PTPRD: variants seen among roughly 807,000 people sequenced by gnomAD.
PTPRD encodes receptor-type tyrosine-protein phosphatase delta.
A neutral mutation model predicts 214.5 loss-of-function variants in PTPRD; 34 were observed. The ratio of observed to expected loss-of-function variants is 0.16; its 90% confidence interval spans 0.12 to 0.21. The LOEUF (loss-of-function observed/expected upper bound fraction) is 0.21, where lower values mean the gene tolerates loss of function less well. Among genes scored for constraint, PTPRD ranks in the 10% least tolerant of loss-of-function variants. The pLI is 1.00. For missense variants in PTPRD, 2,545 were observed against 2,398.7 expected (o/e 1.06, Z -1.27); for synonymous variants, 1,128 against 845.7 (o/e 1.33, Z -5.79).
At position 9,673,221 on chromosome 9, in the gene PTPRD, T is replaced by C. The variant is rs140699796; in HGVS notation, c.-287+61312A>G. Among the ~76,000 whole-genome samples the C allele has an allele frequency of 2.7e-3, 418 of 152,072 alleles. 2 individuals are homozygous for C. Among genetic ancestry groups the C allele is most frequent in the Non-Finnish European group, 4.9e-3 (334 of 67,850 alleles). On this transcript the variant is annotated intron_variant, in intron 7 of 45. Coordinates refer to ENST00000381196, the MANE Select transcript of PTPRD (RefSeq NM_002839.4). The stretch of plus-strand genomic sequence containing the variant: ...ACTCCTAATAGCCCAATTGTTTATG[T>C]GTTGATTTCTTTCCCTATTAATTTT...
chr9:9,016,486 T>C (rs1329047731), intron 11 of PTPRD, among the ~76,000 whole-genome samples: 1 of 152,084 alleles, frequency 6.6e-6, no homozygotes, highest in Non-Finnish European at 1.5e-5. Context: ...TGAGAGAATA[T>C]ATGTAAAACA....
rs191886873 is a variant in PTPRD at position 10,179,935 on chromosome 9, T to C, written c.-544-146145A>G. Among the ~76,000 whole-genome samples, 9 of 152,008 alleles carry C rather than the reference T, an allele frequency of 5.9e-5. No homozygotes were observed. In the East Asian group the frequency reaches 1.4e-3, roughly 23 times the overall value. On this transcript the variant is annotated intron_variant, in intron 3 of 45. Coordinates refer to ENST00000381196, the MANE Select transcript of PTPRD (RefSeq NM_002839.4). ...AAATTTGATAATCTAGAATATTTCA[T>C]TGAAAGGAAGTCTTAAAAAGGGAAA... is the stretch of plus-strand genomic sequence containing the variant.
At chr9:8,981,537 G>A (rs554990305) in intron 11 of PTPRD, among the ~76,000 whole-genome samples, 1 of 151,924 alleles carries the variant, frequency 6.6e-6, no homozygotes, top group Non-Finnish European at 1.5e-5. Flanking sequence ...TACTTGGCTA[G>A]GAATCTTTGT....
intron 7 of PTPRD, among the ~76,000 whole-genome samples, chr9:9,732,569 C>A (rs997184592): frequency 6.6e-6 from 1 of 152,018 alleles, no homozygotes; most frequent in Non-Finnish European, 1.5e-5. Flanking sequence ...ACTTTTGCAA[C>A]TAAGGACAGC....
intron 8 of PTPRD, among the ~76,000 whole-genome samples, chr9:9,495,969 C>G (rs181455938): frequency 1.5e-3 from 226 of 152,254 alleles, no homozygotes; most frequent in African/African-American, 4.8e-3. Context: ...CCTCAGGCCC[C>G]GCATGAAGCT....
At chr9:8,840,858 T>A (rs987912317) in intron 11 of PTPRD, among the ~76,000 whole-genome samples, 2 of 152,192 alleles carry the variant, frequency 1.3e-5, no homozygotes, top group African/African-American at 4.8e-5. Context: ...ACTACAATAC[T>A]GTACTGGCTC....
At chr9:8,764,179 C>T (rs1007509417) in intron 11 of PTPRD, among the ~76,000 whole-genome samples, 2 of 152,168 alleles carry the variant, frequency 1.3e-5, no homozygotes, top group African/African-American at 4.8e-5. Context: ...TATGGCATTA[C>T]ATCAGATATG....
At chr9:9,873,921 G>C (rs2066145601) in intron 5 of PTPRD, among the ~76,000 whole-genome samples, 1 of 152,046 alleles carries the variant, frequency 6.6e-6, no homozygotes, top group Non-Finnish European at 1.5e-5. Flanking sequence ...AACAATAGCT[G>C]ACGTGTATTG....
chr9:8,726,562 T>G (rs1370198835), intron 12 of PTPRD, among the ~76,000 whole-genome samples: 2 of 76,850 alleles, frequency 2.6e-5, no homozygotes, highest in Non-Finnish European at 4.5e-5. Context: ...AGAAACTCGG[T>G]CTCTACTAAA....
At chr9:8,807,858 A>C (rs1051554001) in intron 11 of PTPRD, among the ~76,000 whole-genome samples, 2 of 152,188 alleles carry the variant, frequency 1.3e-5, no homozygotes, top group African/African-American at 4.8e-5. Flanking sequence ...AAGGTGGGCA[A>C]CAGTGGTATG....
intron 10 of PTPRD, among the ~76,000 whole-genome samples, chr9:9,079,976 A>C (rs145781857): frequency 6.6e-6 from 1 of 152,072 alleles, no homozygotes; most frequent in African/African-American, 2.4e-5. Context: ...GAAGCTACCA[A>C]TACAATATTA....
intron 12 of PTPRD, among the ~76,000 whole-genome samples, chr9:8,672,848 G>C (rs1413516619): frequency 1.4e-5 from 2 of 144,984 alleles, no homozygotes; most frequent in African/African-American, 2.5e-5. Context: ...ACTCTGTGTG[G>C]GGGGGGTGGG....
At chr9:8,565,791 G>C (rs1416964843) in intron 14 of PTPRD, among the ~76,000 whole-genome samples, 1 of 152,122 alleles carries the variant, frequency 6.6e-6, no homozygotes, top group Non-Finnish European at 1.5e-5. Context: ...TTATCAAAAA[G>C]AACTGGGGTA....
Position 8,667,821 on chromosome 9 carries a change from A to T in PTPRD, c.65-30977T>A, listed in dbSNP as rs80209306. 1.3e-3 allele frequency among the ~76,000 whole-genome samples: 191 copies of T among 152,284 alleles called. 1 individual carries two copies. The highest frequency in any genetic ancestry group is 4.4e-3 in the African/African-American group (181 of 41,574). On this transcript the variant is annotated intron_variant, in intron 12 of 45. Coordinates refer to ENST00000381196, the MANE Select transcript of PTPRD (RefSeq NM_002839.4). ...ACACTTTTGGTCCCGATCATTTCAG[A>T]TAAGAAATACTCAACCTGTATCATA...
rs1209198378 is a variant in PTPRD at position 9,833,924 on chromosome 9, T to C, written c.-367-67073A>G. 2.6e-5 allele frequency among the ~76,000 whole-genome samples: 4 copies of C among 152,142 alleles called. No individual in the cohort carries two copies. The East Asian group carries it at 7.8e-4, about 30-fold the overall frequency. On this transcript the variant is annotated intron_variant, in intron 5 of 45. Transcript: ENST00000381196. ...ACATTTCATATTGCTCAAACACACA[T>C]GCTGTATAATTTTTGTAGTTAACGC...
intron 6 of PTPRD, among the ~76,000 whole-genome samples, chr9:9,765,864 G>C (rs1420936176): frequency 6.6e-6 from 1 of 151,904 alleles, no homozygotes; most frequent in African/African-American, 2.4e-5. Flanking sequence ...GGGTTTCACC[G>C]TGTTAGCCAG....
intron 2 of PTPRD, among the ~76,000 whole-genome samples, chr9:10,570,472 G>C (rs1185184989): frequency 6.6e-6 from 1 of 152,096 alleles, no homozygotes; most frequent in African/African-American, 2.4e-5. Context: ...GACAGATATT[G>C]ATGAACACAT....
At position 9,723,701 on chromosome 9, in the gene PTPRD, T is replaced by C. The variant is rs138433140; in HGVS notation, c.-287+10832A>G. Among the ~76,000 whole-genome samples, 274 of 152,232 alleles carry C rather than the reference T, an allele frequency of 1.8e-3. 1 individual carries two copies. Among genetic ancestry groups the C allele is most frequent in the African/African-American group, 5.9e-3 (245 of 41,562 alleles). ...GTAGATCTTTGGTTTTCCCCATTAATTGAAGTTTTCTGAATATCAGTTTTA... is the reference window on the plus strand; with the variant it reads ...GTAGATCTTTGGTTTTCCCCATTAACTGAAGTTTTCTGAATATCAGTTTTA... On this transcript the variant is annotated intron_variant, in intron 7 of 45. Transcript: ENST00000381196.
At chr9:8,936,822 G>C (rs995628981) in intron 11 of PTPRD, among the ~76,000 whole-genome samples, 1 of 152,116 alleles carries the variant, frequency 6.6e-6, no homozygotes, top group African/African-American at 2.4e-5. Context: ...TGGTGAACAT[G>C]GGATAATTCA....
Sources: allele counts gnomAD v4.1 joint callset (sites outside exome capture counted in the v4.1 genomes callset), GRCh38; gene constraint gnomAD v4.1.1; transcripts MANE v1.5; gene names NCBI Gene and HGNC (gene_info 2026-07-23, HGNC 2026-07-21).